Variants in CEP128 observed in about 807,000 individuals in gnomAD.
The protein encoded by CEP128 is centrosomal protein 128, also known as centrosomal protein 128kDa.
Under a neutral mutation model 156.7 loss-of-function variants are expected in CEP128, and 132 were observed. The ratio of observed to expected loss-of-function variants is 0.84; its 90% CI spans 0.73 to 0.97. The LOEUF is 0.97. Ranked by LOEUF, CEP128 falls within the 50% of genes least tolerant of loss-of-function variation. The probability of loss-of-function intolerance (pLI) is 0.00; values close to 1 mark genes in which losing one functional copy is unlikely to be tolerated. For synonymous variants in CEP128, 469 were observed against 448.9 expected, an observed-to-expected ratio of 1.04 and a Z score of -0.57; for missense variants, 1,252 against 1,281.9, an observed-to-expected ratio of 0.98 and a Z score of 0.36.
intron 13 of CEP128, among the ~76,000 whole-genome samples, chr14:80,807,081 CT>C (rs200937057): frequency 2.2e-4 from 33 of 150,784 alleles, no homozygotes; most frequent in African/African-American, 8.0e-4. Context: ...ATATAATAAT[CT>C]TTTTTTTTAT....
chr14:80,892,217 C>T lies in CEP128; in HGVS notation c.645+3501G>A, dbSNP rs184319334. 6.2e-3 allele frequency among the ~76,000 whole-genome samples: 944 copies of T among 151,868 alleles called. 9 individuals are homozygous for T. The highest frequency in any genetic ancestry group is 0.021 in the African/African-American group (888 of 41,476). Reference sequence around the variant, plus strand: ...GTACTGGCATAAAAACAGACACATACACCAATAGAACAGAACAGAAAACCT... The same window carrying T: ...GTACTGGCATAAAAACAGACACATATACCAATAGAACAGAACAGAAAACCT... On this transcript the variant is annotated intron_variant, in intron 8 of 24. Transcript: ENST00000555265.
At position 80,865,775 on chromosome 14, in the gene CEP128, C is replaced by T. The variant is rs548728653; in HGVS notation, c.646-2902G>A. Among the ~76,000 whole-genome samples the T allele has an allele frequency of 3.9e-5, 6 of 152,066 alleles. No homozygotes were observed. The South Asian group carries it at 6.2e-4, about 16-fold the overall frequency. The stretch of plus-strand genomic sequence containing the variant: ...CATGTTATGAGATGCTCTACGGAGA[C>T]GCCACATGTCAAAGAAACAAAAGAA... On this transcript the variant is annotated intron_variant, in intron 8 of 24. Transcript: ENST00000555265.
chr14:80,839,950 C>T (rs992127025), intron 10 of CEP128, among the ~76,000 whole-genome samples: 3 of 152,060 alleles, frequency 2.0e-5, no homozygotes, highest in Non-Finnish European at 4.4e-5. Context: ...ATTTCAACAT[C>T]GCAACTCCCA....
intron 19 of CEP128, among the ~76,000 whole-genome samples, chr14:80,681,921 T>C (rs796498300): frequency 6.6e-5 from 10 of 152,122 alleles, no homozygotes; most frequent in African/African-American, 2.2e-4. Flanking sequence ...CTGGGCAACA[T>C]AGCAAGGCCC....
intron 19 of CEP128, among the ~76,000 whole-genome samples, chr14:80,643,547 T>TA (rs1422523418): frequency 6.6e-6 from 1 of 151,986 alleles, no homozygotes; most frequent in East Asian, 1.9e-4. Context: ...TCATCTCTGC[T>TA]AAAAATACAA....
At chr14:80,531,516 A>C (rs1868632) in intron 21 of CEP128, among the ~76,000 whole-genome samples, 119,483 of 152,080 alleles carry the variant, frequency 0.79, 49,189 homozygotes, top group Middle Eastern at 0.9. Flanking sequence ...TGAGAATGAT[A>C]TGAAAATTAT....
chr14:80,685,599 A>AC (rs1896493785), intron 19 of CEP128, among the ~76,000 whole-genome samples: 3 of 151,962 alleles, frequency 2.0e-5, no homozygotes, highest in Non-Finnish European at 4.4e-5. Context: ...AAAATTAAAT[A>AC]TAAAAAAAAT....
At chr14:80,866,879 TC>T (rs1292462986) in intron 8 of CEP128, among the ~76,000 whole-genome samples, 1 of 152,218 alleles carries the variant, frequency 6.6e-6, no homozygotes, top group Non-Finnish European at 1.5e-5. Context: ...CCCATTTTAC[TC>T]ATGCAGGATA....
intron 19 of CEP128, among the ~76,000 whole-genome samples, chr14:80,610,254 T>TTAGTTCCCAGTA (rs1892943873): frequency 6.6e-6 from 1 of 152,162 alleles, no homozygotes; most frequent in Non-Finnish European, 1.5e-5. Flanking sequence ...TACTGGGAAC[T>TTAGTTCCCAGTA]AAGCTCTGTA....
At chr14:80,919,445 G>A (rs1193294117) in intron 2 of CEP128, among the ~76,000 whole-genome samples, 2 of 152,034 alleles carry the variant, frequency 1.3e-5, no homozygotes, top group African/African-American at 4.8e-5. Flanking sequence ...TTAGAACACT[G>A]TAAATAAAGT....
chr14:80,881,725 T>C (rs965689350), intron 8 of CEP128, among the ~76,000 whole-genome samples: 1 of 152,100 alleles, frequency 6.6e-6, no homozygotes, highest in Admixed American at 6.5e-5. Context: ...AGGTCATCAA[T>C]ACCAAGTGGG....
intron 19 of CEP128, among the ~76,000 whole-genome samples, chr14:80,651,640 T>C (rs1459440289): frequency 6.6e-6 from 1 of 152,112 alleles, no homozygotes; most frequent in Admixed American, 6.6e-5. Flanking sequence ...TGGTTTCAAA[T>C]AACTTAATTA....
chr14:80,838,075 T>C, intron 11 of CEP128, 129 bp downstream of exon 11: 2 of 633,780 alleles, frequency 3.2e-6, no homozygotes, highest in Non-Finnish European at 2.7e-6. Flanking sequence ...GGTGTGCTAA[T>C]ATACATTCCT....
At chr14:80,917,747 A>G (rs370068510) in intron 2 of CEP128, among the ~76,000 whole-genome samples, 4 of 152,340 alleles carry the variant, frequency 2.6e-5, no homozygotes, top group South Asian at 4.1e-4. Context: ...TTGATCATAC[A>G]TTTAAGGAGA....
At chr14:80,560,710 G>C (rs991509612) in intron 20 of CEP128, among the ~76,000 whole-genome samples, 1 of 152,070 alleles carries the variant, frequency 6.6e-6, no homozygotes, top group African/African-American at 2.4e-5. Flanking sequence ...ATGTGAAAGG[G>C]GAGACTGGCC....
At chr14:80,595,689 T>C (rs1892284680) in intron 19 of CEP128, among the ~76,000 whole-genome samples, 1 of 152,160 alleles carries the variant, frequency 6.6e-6, no homozygotes. Flanking sequence ...AAGGAAGGCA[T>C]ATTAGTCTGT....
chr14:80,741,978 A>G (rs539352927), intron 19 of CEP128, among the ~76,000 whole-genome samples: 14 of 152,288 alleles, frequency 9.2e-5, no homozygotes, highest in Admixed American at 7.9e-4. Flanking sequence ...ACATGCCCTA[A>G]AAATGTCCCC....
chr14:80,567,881 G>A (rs1445713949), intron 20 of CEP128, among the ~76,000 whole-genome samples: 1 of 151,924 alleles, frequency 6.6e-6, no homozygotes, highest in Non-Finnish European at 1.5e-5. Flanking sequence ...AGGAATTGAG[G>A]AGTACCAGGA....
intron 19 of CEP128, among the ~76,000 whole-genome samples, chr14:80,689,312 A>G (rs962376449): frequency 2.3e-5 from 3 of 129,606 alleles, no homozygotes; most frequent in African/African-American, 7.7e-5. Flanking sequence ...AAAAAAAAAA[A>G]AAGAGAAATG....
Sources: gnomAD v4.1 joint callset for allele counts (sites outside exome capture counted in the v4.1 genomes callset) on GRCh38, gnomAD v4.1.1 for gene constraint, MANE v1.5 for transcripts, NCBI Gene and HGNC (gene_info 2026-07-23, HGNC 2026-07-21) for gene names.